CEP162: variants seen among roughly 807,000 people sequenced by gnomAD.
CEP162 encodes the protein centrosomal protein of 162 kDa.
In CEP162, 141 loss-of-function variants were observed where a neutral mutation model predicts 169.2. That is an observed-to-expected ratio of 0.83 (90% CI 0.73 to 0.96). CEP162 has a LOEUF of 0.96. CEP162 is among the 40% of genes least tolerant of loss of function. CEP162 has a pLI of 0.00. For synonymous variants in CEP162, 540 were observed against 526.4 expected (o/e 1.03, Z -0.35); for missense variants, 1,600 against 1,587.2 (o/e 1.01, Z -0.14).
intron 22 of CEP162, 80 bp downstream of exon 22, chr6:84,155,218 T>C: frequency 9.4e-7 from 1 of 1,061,938 alleles, no homozygotes; most frequent in South Asian, 1.5e-5. Context: ...TTATAGCTAT[T>C]TGTTAAAGTG....
chr6:84,201,104 C>G (rs1169859417), intron 8 of CEP162, among the ~76,000 whole-genome samples, 199 bp from the exon 9 acceptor site: 1 of 152,086 alleles, frequency 6.6e-6, no homozygotes, highest in African/African-American at 2.4e-5. Flanking sequence ...CGGTGAAACC[C>G]CGTCTCTATT....
intron 23 of CEP162, 39 bp from the exon 24 acceptor site, chr6:84,149,742 CT>C: frequency 7.0e-7 from 1 of 1,431,120 alleles, no homozygotes; most frequent in South Asian, 1.7e-5. Flanking sequence ...ATAAAAGTGG[CT>C]CTTCAACCTC....
rs753240614 is a variant in CEP162 at position 84,204,065 on chromosome 6, A to G, written c.603T>C (p.Tyr201=). The G allele has an allele frequency of 6.2e-7, 1 of 1,603,580 alleles. No individual in the cohort carries two copies. The highest frequency in any genetic ancestry group is 8.5e-7 in the Non-Finnish European group (1 of 1,174,954). ...ENYSDDFEDE[Y]VGAPLTTKDE... is the part of the protein sequence containing the mutation. ...CTTTAGTAGTCAACGGTGCACCAAC[A>G]TACTCATCTTCAAAATCATCACTGT... The change falls in exon 7 of 27, where the codon TAT becomes TAC. Residue 201 remains tyrosine (Y), a synonymous_variant. Coordinates refer to ENST00000403245, the MANE Select transcript of CEP162 (RefSeq NM_014895.4).
chr6:84,167,950 C>T (rs1010198843), intron 18 of CEP162, among the ~76,000 whole-genome samples: 1 of 152,296 alleles, frequency 6.6e-6, no homozygotes, highest in Admixed American at 6.5e-5. Flanking sequence ...ACTAAACTTA[C>T]TGCTATCTTT....
At chr6:84,171,773 CATAAT>C (rs1256502568) in intron 16 of CEP162, 55 bp from the exon 17 acceptor site, 15 of 688,414 alleles carry the variant, frequency 2.2e-5, no homozygotes, top group South Asian at 5.1e-5. Flanking sequence ...ACTTATATAA[CATAAT>C]ATATGTGCTC....
intron 15 of CEP162, 104 bp downstream of exon 15, chr6:84,174,623 T>C: frequency 1.6e-6 from 1 of 630,102 alleles, no homozygotes; most frequent in Non-Finnish European, 2.7e-6. Context: ...ATACATCAAG[T>C]CAAACATCTC....
chr6:84,135,403 A>T (rs758965292), intron 25 of CEP162, among the ~76,000 whole-genome samples: 5 of 152,218 alleles, frequency 3.3e-5, no homozygotes, highest in Admixed American at 6.5e-5. Context: ...TGCTGGCAGG[A>T]GGTGGCTCAG....
intron 6 of CEP162, among the ~76,000 whole-genome samples, chr6:84,208,128 C>CT (rs2099548030): frequency 6.6e-6 from 1 of 151,274 alleles, no homozygotes; most frequent in Non-Finnish European, 1.5e-5. Context: ...CTTATACAAC[C>CT]TTTGCTGTTT....
intron 25 of CEP162, among the ~76,000 whole-genome samples, chr6:84,141,171 GC>G (rs2099516436): frequency 6.6e-6 from 1 of 152,124 alleles, no homozygotes; most frequent in Non-Finnish European, 1.5e-5. Context: ...CTGGTTTGTG[GC>G]CCAGGGTTGG....
At chr6:84,206,878 A>G (rs1223960613) in intron 6 of CEP162, among the ~76,000 whole-genome samples, 1 of 152,224 alleles carries the variant, frequency 6.6e-6, no homozygotes, top group Non-Finnish European at 1.5e-5. Flanking sequence ...TTATAAGAAA[A>G]AATCAAACAA....
chr6:84,180,699 T>C (rs1258308803), intron 13 of CEP162, among the ~76,000 whole-genome samples: 2 of 151,684 alleles, frequency 1.3e-5, no homozygotes. Flanking sequence ...TATACACCAA[T>C]AACAGACAAA....
rs138194202 is a variant in CEP162, at chr6:84,202,040, A to C, written c.688-273T>G. ...TAAAAATTCTTGCTTAAAGTATTTA[A>C]GTTCCATTTGCTCATCTACCTTGCT... On this transcript the variant is annotated intron_variant, in intron 7 of 26. Coordinates refer to ENST00000403245, the MANE Select transcript of CEP162 (RefSeq NM_014895.4). 3.4e-3 allele frequency among the ~76,000 whole-genome samples: 519 copies of C among 152,330 alleles called. 3 individuals carry two copies. The highest frequency in any genetic ancestry group is 0.011 in the African/African-American group (477 of 41,576).
chr6:84,212,928 A>G, intron 6 of CEP162, 29 bp downstream of exon 6: 4 of 1,316,888 alleles, frequency 3.0e-6, no homozygotes, highest in Non-Finnish European at 4.2e-6. Flanking sequence ...CTTTTCAAAT[A>G]TTATAAATTT....
chr6:84,213,923 A>G (rs1395695818), intron 5 of CEP162, among the ~76,000 whole-genome samples: 2 of 152,178 alleles, frequency 1.3e-5, no homozygotes, highest in African/African-American at 4.8e-5. Context: ...ATTTTTCACC[A>G]TGCCATTTGG....
chr6:84,153,685 A>C (rs2099521968), intron 22 of CEP162, among the ~76,000 whole-genome samples: 3 of 152,324 alleles, frequency 2.0e-5, no homozygotes, highest in Admixed American at 2.0e-4. Context: ...AATGAAATAA[A>C]TAATTTCTCC....
chr6:84,139,598 CA>C (rs2099515660), intron 25 of CEP162, among the ~76,000 whole-genome samples: 1 of 152,126 alleles, frequency 6.6e-6, no homozygotes, highest in African/African-American at 2.4e-5. Flanking sequence ...GAAATCCTAG[CA>C]AAACTGGCAG....
At chr6:84,222,302 T>A (rs1453271376) in intron 2 of CEP162, among the ~76,000 whole-genome samples, 1 of 152,194 alleles carries the variant, frequency 6.6e-6, no homozygotes, top group Non-Finnish European at 1.5e-5. Context: ...CTCTTACTTC[T>A]TGAAACTCTC....
intron 26 of CEP162, 75 bp from the exon 27 acceptor site, chr6:84,125,351 A>G: frequency 7.6e-7 from 1 of 1,310,016 alleles, no homozygotes; most frequent in African/African-American, 1.5e-5. Flanking sequence ...ATCTTAAAGT[A>G]GGCAAACCTG....
In CEP162 at chr6:84,145,225, A is replaced by G. The variant is rs190729240; in HGVS notation, c.3870+1462T>C. Among the ~76,000 whole-genome samples, 7 of 152,234 alleles carry G rather than the reference A, an allele frequency of 4.6e-5. No individual in the cohort carries two copies. The East Asian group carries it at 1.4e-3, about 29-fold the overall frequency. On this transcript the variant is annotated intron_variant, in intron 25 of 26. Transcript: ENST00000403245. ...TATTTGGGGGATCTCTAGAAGAGAA[A>G]GGAATTTACCTGGATCTATTGGTAT...
Sources: gnomAD v4.1 joint callset for allele counts (sites outside exome capture counted in the v4.1 genomes callset) on GRCh38, gnomAD v4.1.1 for gene constraint, MANE v1.5 for transcripts, NCBI Gene and HGNC (gene_info 2026-07-23, HGNC 2026-07-21) for gene names.